CLXN: variants seen among roughly 807,000 people sequenced by gnomAD.
The protein encoded by CLXN is calaxin.
the CLXN span, among the ~76,000 whole-genome samples, chr8:48,719,710 T>C: frequency 7.9e-5 from 12 of 152,196 alleles, no homozygotes; most frequent in African/African-American, 2.9e-4. Context: ...TTTAACAAAG[T>C]TCACCAACCA....
chr8:48,729,697 A>C, the CLXN span: 2 of 1,571,906 alleles, frequency 1.3e-6, no homozygotes, highest in East Asian at 2.3e-5. Context: ...TTTAATAAAA[A>C]ACTTGACATT....
chr8:48,725,578 C>T, the CLXN span, among the ~76,000 whole-genome samples: 1 of 152,064 alleles, frequency 6.6e-6, no homozygotes, highest in Non-Finnish European at 1.5e-5. Context: ...CCGAGGCAAG[C>T]TGATCACTTG....
At chr8:48,718,351 A>G in the CLXN span, among the ~76,000 whole-genome samples, 1 of 152,146 alleles carries the variant, frequency 6.6e-6, no homozygotes, top group African/African-American at 2.4e-5. Context: ...CAAGGAATAA[A>G]TTTATAGCAA....
chr8:48,721,213 CA>C, the CLXN span, among the ~76,000 whole-genome samples: 44 of 151,834 alleles, frequency 2.9e-4, no homozygotes, highest in Non-Finnish European at 4.7e-4. Flanking sequence ...TTCCTAATAG[CA>C]GCAAAAAAAT....
chr8:48,730,775 C>T, the CLXN span: 90 of 468,574 alleles, frequency 1.9e-4, no homozygotes, highest in South Asian at 1.6e-4. Context: ...TCTCATTTGA[C>T]GAAAGAGGAA....
chr8:48,732,692 C>T, the CLXN span, among the ~76,000 whole-genome samples: 1 of 152,202 alleles, frequency 6.6e-6, no homozygotes, highest in South Asian at 2.1e-4. Flanking sequence ...TCATTCACAA[C>T]AGTCAAAAGA....
chr8:48,730,099 A>G, the CLXN span: 2 of 399,970 alleles, frequency 5.0e-6, no homozygotes, highest in Non-Finnish European at 8.9e-6. Context: ...AGTAACTTGA[A>G]TATCTTCACC....
chr8:48,725,152 C>T, the CLXN span, among the ~76,000 whole-genome samples: 1 of 152,062 alleles, frequency 6.6e-6, no homozygotes, highest in Non-Finnish European at 1.5e-5. Flanking sequence ...AATCAAGGCA[C>T]AGCCGGGCCT....
At chr8:48,719,740 A>G in the CLXN span, among the ~76,000 whole-genome samples, 2 of 152,222 alleles carry the variant, frequency 1.3e-5, no homozygotes, top group African/African-American at 4.8e-5. Context: ...AAATCTCTCA[A>G]TAAAATAAGT....
chr8:48,717,717 T>C, the CLXN span, among the ~76,000 whole-genome samples: 1 of 152,146 alleles, frequency 6.6e-6, no homozygotes, highest in Non-Finnish European at 1.5e-5. Flanking sequence ...AGACACACAA[T>C]GTACAAAGAA....
the CLXN span, chr8:48,731,272 G>A: frequency 1.4e-6 from 2 of 1,418,678 alleles, no homozygotes; most frequent in Non-Finnish European, 1.9e-6. Context: ...CCTACCAAGA[G>A]GATGTCCAAG....
At chr8:48,725,601 C>T in the CLXN span, among the ~76,000 whole-genome samples, 2 of 151,990 alleles carry the variant, frequency 1.3e-5, no homozygotes, top group Admixed American at 6.5e-5. Context: ...GTCGGGAGTT[C>T]GAGACCAGCC....
At chr8:48,728,059 G>A in the CLXN span, among the ~76,000 whole-genome samples, 2 of 152,130 alleles carry the variant, frequency 1.3e-5, no homozygotes, top group South Asian at 4.1e-4. Context: ...ATGTTGAGTA[G>A]GCGGCAGGAG....
the CLXN span, among the ~76,000 whole-genome samples, chr8:48,727,738 C>T: frequency 6.6e-6 from 1 of 152,114 alleles, no homozygotes; most frequent in African/African-American, 2.4e-5. Flanking sequence ...TTTAAACATA[C>T]TGGACATTGT....
chr8:48,719,557 A>C, the CLXN span, among the ~76,000 whole-genome samples: 1 of 152,224 alleles, frequency 6.6e-6, no homozygotes, highest in Non-Finnish European at 1.5e-5. Flanking sequence ...TGCATTAAAA[A>C]GATCAAAATG....
chr8:48,716,443 GGC>G, the CLXN span: 1 of 152,488 alleles, frequency 6.6e-6, no homozygotes, highest in Non-Finnish European at 1.5e-5. Context: ...ACAGTGCAGT[GGC>G]AGGCTGAAGG....
chr8:48,734,909 G>GC, the CLXN span, among the ~76,000 whole-genome samples: 5 of 152,148 alleles, frequency 3.3e-5, no homozygotes, highest in African/African-American at 1.2e-4. Flanking sequence ...AAGATCAAAC[G>GC]CAAGGAGCTG....
the CLXN span, among the ~76,000 whole-genome samples, chr8:48,714,141 A>T: frequency 6.6e-6 from 1 of 152,208 alleles, no homozygotes; most frequent in Non-Finnish European, 1.5e-5. Flanking sequence ...CTTAGCGGGG[A>T]GAAAAGTCAG....
the CLXN span, chr8:48,734,684 C>T: frequency 6.1e-6 from 1 of 163,458 alleles, no homozygotes; most frequent in African/African-American, 2.4e-5. Context: ...AGAACTTGGA[C>T]CTGCGGGTGT....
Sources: allele counts gnomAD v4.1 joint callset (sites outside exome capture counted in the v4.1 genomes callset), GRCh38; gene constraint gnomAD v4.1.1; transcripts MANE v1.5; gene names NCBI Gene and HGNC (gene_info 2026-07-23, HGNC 2026-07-21).